The following FOXP1 variants were observed in gnomAD, a reference collection of about 807,000 sequenced individuals.
FOXP1 encodes forkhead box protein P1.
In FOXP1, 15 loss-of-function variants were observed where a neutral mutation model predicts 98.2. That is an observed-to-expected ratio of 0.15 (90% CI 0.10 to 0.24). The LOEUF is 0.24. FOXP1 is among the 10% of genes least tolerant of loss of function. The pLI is 1.00. For missense variants in FOXP1, 633 were observed against 848.5 expected, an observed-to-expected ratio of 0.75 and a Z score of 3.15; for synonymous variants, 371 against 314.5, an observed-to-expected ratio of 1.18 and a Z score of -1.90.
intron 3 of FOXP1, among the ~76,000 whole-genome samples, chr3:71,393,484 A>C (rs565732498): frequency 2.8e-3 from 423 of 152,292 alleles, no homozygotes; most frequent in African/African-American, 9.9e-3. Context: ...ACATTTACGC[A>C]GTGGATGCTA....
intron 6 of FOXP1, among the ~76,000 whole-genome samples, chr3:71,172,213 A>T (rs1560060305): frequency 6.6e-6 from 1 of 152,182 alleles, no homozygotes; most frequent in African/African-American, 2.4e-5. Context: ...TTATAAAATG[A>T]AAAGTTTCTG....
intron 5 of FOXP1, among the ~76,000 whole-genome samples, chr3:71,261,847 C>T (rs1401759038): frequency 6.6e-6 from 1 of 151,940 alleles, no homozygotes; most frequent in Non-Finnish European, 1.5e-5. Flanking sequence ...ATGGAATAGT[C>T]GACATTTTCC....
Position 71,136,419 on chromosome 3 carries a change from G to A in FOXP1, c.181-23782C>T, listed in dbSNP as rs191267586. Among the ~76,000 whole-genome samples, 6 of 152,210 alleles carry A rather than the reference G, an allele frequency of 3.9e-5. 1 individual carries two copies. Among genetic ancestry groups the A allele is most frequent in the East Asian group, 1.9e-4 (1 of 5,180 alleles). ...TGAGCTGTTCTTCCAAGTCAATTAC[G>A]CCTTTCAACTTCTGGGGCATTGTAT... On this transcript the variant is annotated intron_variant, in intron 6 of 20. Transcript: ENST00000649528.
intron 2 of FOXP1, among the ~76,000 whole-genome samples, chr3:71,524,282 TGAATCAGGAAGCA>T (rs1465868687): frequency 6.6e-6 from 1 of 152,042 alleles, no homozygotes; most frequent in African/African-American, 2.4e-5. Flanking sequence ...GAGAATCACT[TGAATCAGGAAGCA>T]GAGGTTGCAG....
intron 3 of FOXP1, among the ~76,000 whole-genome samples, chr3:71,407,040 A>G (rs2082396841): frequency 6.6e-6 from 1 of 152,090 alleles, no homozygotes; most frequent in Non-Finnish European, 1.5e-5. Context: ...GGAAAGAGAT[A>G]ACCCGGGCTG....
At chr3:71,349,660 C>A (rs2077651563) in intron 4 of FOXP1, among the ~76,000 whole-genome samples, 1 of 151,760 alleles carries the variant, frequency 6.6e-6, no homozygotes. Context: ...AAATTCCATC[C>A]AGGGCACATG....
chr3:71,343,953 A>C (rs2077168960), intron 4 of FOXP1, among the ~76,000 whole-genome samples: 1 of 152,184 alleles, frequency 6.6e-6, no homozygotes, highest in African/African-American at 2.4e-5. Flanking sequence ...GGGTTTTTTC[A>C]TTGGTCTTAA....
chr3:71,092,784 T>C (rs961110889), intron 7 of FOXP1, among the ~76,000 whole-genome samples: 1 of 150,734 alleles, frequency 6.6e-6, no homozygotes, highest in Non-Finnish European at 1.5e-5. Flanking sequence ...ATGGAGGCAG[T>C]AGATGTTCCC....
intron 7 of FOXP1, among the ~76,000 whole-genome samples, chr3:71,093,081 T>C (rs1233109691): frequency 1.3e-5 from 2 of 151,728 alleles, no homozygotes; most frequent in Non-Finnish European, 2.9e-5. Context: ...GCCAACATGG[T>C]GAAACCCCGT....
At chr3:71,200,133 A>T (rs375558106) in intron 5 of FOXP1, among the ~76,000 whole-genome samples, 15 of 151,208 alleles carry the variant, frequency 9.9e-5, no homozygotes, top group East Asian at 5.8e-4. Context: ...AGGTGTAAAT[A>T]CATTTCACAT....
intron 6 of FOXP1, among the ~76,000 whole-genome samples, chr3:71,112,948 G>A (rs28547888): frequency 2.6e-5 from 4 of 152,254 alleles, no homozygotes; most frequent in Admixed American, 2.0e-4. Flanking sequence ...AGATGACAGA[G>A]AGACCAGGAG....
chr3:71,015,529 C>G lies in FOXP1; in HGVS notation c.974+20G>C. Reference sequence around the variant, plus strand: ...GTGTTGGCTATGTAAAAGAAGAAAACAAAATAAAATCATTCTTACTTTAGA... The same window carrying G: ...GTGTTGGCTATGTAAAAGAAGAAAAGAAAATAAAATCATTCTTACTTTAGA... On this transcript the variant is annotated intron_variant, in intron 12 of 20. Coordinates refer to ENST00000649528, the MANE Select transcript of FOXP1 (RefSeq NM_001349338.3). 6.4e-7 allele frequency: 1 copy of G among 1,562,280 alleles called. No homozygotes were observed. The highest frequency in any genetic ancestry group is 1.1e-5 in the South Asian group (1 of 90,042).
At chr3:71,516,367 A>G (rs2042581467) in intron 2 of FOXP1, among the ~76,000 whole-genome samples, 1 of 152,196 alleles carries the variant, frequency 6.6e-6, no homozygotes, top group African/African-American at 2.4e-5. Context: ...AACCAAGTAT[A>G]ATCAATTGGT....
chr3:71,014,519 T>C (rs985109713), intron 12 of FOXP1, among the ~76,000 whole-genome samples: 1 of 152,064 alleles, frequency 6.6e-6, no homozygotes, highest in Non-Finnish European at 1.5e-5. Flanking sequence ...TGTGGAGAAA[T>C]AGGAACACTT....
intron 3 of FOXP1, among the ~76,000 whole-genome samples, chr3:71,395,512 G>A (rs1042130271): frequency 6.6e-6 from 1 of 151,522 alleles, no homozygotes; most frequent in Admixed American, 6.6e-5. Flanking sequence ...CACCTCCTCT[G>A]AGAAGCCTTA....
At chr3:71,432,947 A>G (rs1433963342) in intron 3 of FOXP1, among the ~76,000 whole-genome samples, 1 of 151,886 alleles carries the variant, frequency 6.6e-6, no homozygotes, top group Non-Finnish European at 1.5e-5. Flanking sequence ...CTGAGCTTTA[A>G]GACAGACAAA....
At chr3:71,067,905 G>C (rs1272157300) in intron 7 of FOXP1, among the ~76,000 whole-genome samples, 1 of 142,896 alleles carries the variant, frequency 7.0e-6, no homozygotes, top group Non-Finnish European at 1.5e-5. Flanking sequence ...AACAGAGCAA[G>C]AAACTGTCTT....
chr3:71,370,776 C>T (rs1200726046), intron 3 of FOXP1, among the ~76,000 whole-genome samples: 3 of 150,218 alleles, frequency 2.0e-5, no homozygotes, highest in Non-Finnish European at 3.0e-5. Context: ...TGCTAGGTCC[C>T]AACCCTAGAG....
chr3:71,413,259 G>GACACACACACACACAC (rs528319234), intron 3 of FOXP1, among the ~76,000 whole-genome samples: 892 of 64,410 alleles, frequency 0.014, 6 homozygotes, highest in African/African-American at 0.019. Context: ...CCCCCAAATA[G>GACACACACACACACAC]ACACACACAC....
Sources: allele counts gnomAD v4.1 joint callset (sites outside exome capture counted in the v4.1 genomes callset), GRCh38; gene constraint gnomAD v4.1.1; transcripts MANE v1.5; gene names NCBI Gene and HGNC (gene_info 2026-07-23, HGNC 2026-07-21).